ITSN1: variants seen among roughly 807,000 people sequenced by gnomAD.
The protein encoded by ITSN1 is intersectin 1.
In ITSN1, 58 loss-of-function variants were observed where a neutral mutation model predicts 239.8. That is an observed-to-expected ratio of 0.24 (90% CI 0.20 to 0.30). ITSN1 has a LOEUF of 0.30. Ranked by LOEUF, ITSN1 falls within the 10% of genes least tolerant of loss-of-function variation. The pLI is 1.00. For synonymous variants in ITSN1, 780 were observed against 770.8 expected, an observed-to-expected ratio of 1.01 and a Z score of -0.20; for missense variants, 1,558 against 2,103.3, an observed-to-expected ratio of 0.74 and a Z score of 5.07.
intron 1 of ITSN1, among the ~76,000 whole-genome samples, chr21:33,666,743 G>A (rs2089958312): frequency 1.3e-5 from 2 of 152,172 alleles, no homozygotes; most frequent in African/African-American, 4.8e-5. Flanking sequence ...TTTTCAAAGG[G>A]TCTGCAGGTT....
intron 1 of ITSN1, among the ~76,000 whole-genome samples, chr21:33,692,811 C>T (rs1324983897): frequency 1.3e-5 from 2 of 151,628 alleles, no homozygotes; most frequent in African/African-American, 4.9e-5. Context: ...TGCTCTGTCA[C>T]CCAGGCTGGA....
At chr21:33,839,201 T>G (rs1287923794) in intron 29 of ITSN1, among the ~76,000 whole-genome samples, 1 of 152,178 alleles carries the variant, frequency 6.6e-6, no homozygotes, top group Non-Finnish European at 1.5e-5. Flanking sequence ...GAGTTCATAT[T>G]GTAATGGAAG....
chr21:33,886,593 C>T, intron 39 of ITSN1, 133 bp downstream of exon 39: 1 of 760,534 alleles, frequency 1.3e-6, no homozygotes. Flanking sequence ...CTGGCTGGCA[C>T]AAGACGAGGC....
chr21:33,739,346 G>T (rs1055856096), intron 5 of ITSN1, among the ~76,000 whole-genome samples: 1 of 152,120 alleles, frequency 6.6e-6, no homozygotes, highest in African/African-American at 2.4e-5. Flanking sequence ...TATACAGGAG[G>T]AGTCTGTTTT....
rs533098631 is a variant in ITSN1 at position 33,772,316 on chromosome 21, G to A, written c.1298G>A (p.Arg433Lys). ...REEERRKEIE[R>K]REAAKRELER... ...GAGGAGAGGAGGAAAGAAATTGAGA[G>A]GCGAGAGGTAAGCAGGCGAGAGTGG... The change falls in exon 12 of 40, where the codon AGG becomes AAG. Residue 433 changes from arginine (R) to lysine (K), a missense_variant. This residue lies in a region of ITSN1 where 982 missense variants were observed against 1,209.9 expected (regional missense o/e 0.81). Transcript: ENST00000381318. 1.3e-6 allele frequency: 2 copies of A among 1,553,112 alleles called. No individual in the cohort carries two copies. Among genetic ancestry groups the A allele is most frequent in the East Asian group, 2.4e-5 (1 of 41,032 alleles).
At chr21:33,819,400 C>A in intron 24 of ITSN1, 77 bp downstream of exon 24, 1 of 1,049,660 alleles carries the variant, frequency 9.5e-7, no homozygotes, top group Non-Finnish European at 1.5e-6. Context: ...GATTGAATTT[C>A]ATCTTAAGAT....
chr21:33,685,715 G>T (rs2091206530), intron 1 of ITSN1, among the ~76,000 whole-genome samples: 1 of 151,478 alleles, frequency 6.6e-6, no homozygotes. Context: ...GGTTTCTCAG[G>T]CCAGTGTGTC....
chr21:33,798,556 G>A (rs1431848680), intron 18 of ITSN1, among the ~76,000 whole-genome samples: 1 of 152,104 alleles, frequency 6.6e-6, no homozygotes, highest in African/African-American at 2.4e-5. Flanking sequence ...TTGTGTGATT[G>A]TACAGTTTTG....
At chr21:33,827,578 G>A (rs1003030446) in intron 26 of ITSN1, among the ~76,000 whole-genome samples, 2 of 152,096 alleles carry the variant, frequency 1.3e-5, no homozygotes, top group Admixed American at 6.5e-5. Context: ...CACAAACAAT[G>A]GAGAAGATTA....
At chr21:33,850,084 C>G (rs2148457863) in intron 29 of ITSN1, among the ~76,000 whole-genome samples, 1 of 152,320 alleles carries the variant, frequency 6.6e-6, no homozygotes, top group Admixed American at 6.5e-5. Context: ...CCCTTTCACT[C>G]TCTGAAATGT....
chr21:33,749,836 A>T (rs1219367407), intron 5 of ITSN1, among the ~76,000 whole-genome samples: 1 of 151,930 alleles, frequency 6.6e-6, no homozygotes, highest in African/African-American at 2.4e-5. Context: ...TTAGGATTTT[A>T]TTTATTTTTA....
intron 24 of ITSN1, among the ~76,000 whole-genome samples, chr21:33,821,078 C>T (rs1420917549): frequency 1.3e-5 from 2 of 152,194 alleles, no homozygotes; most frequent in East Asian, 3.8e-4. Context: ...TAAATGTCTG[C>T]TACTTTTATG....
chr21:33,651,815 A>AAGGG (rs2088562764), intron 1 of ITSN1, among the ~76,000 whole-genome samples: 2 of 152,182 alleles, frequency 1.3e-5, no homozygotes, highest in Non-Finnish European at 2.9e-5. Flanking sequence ...ATTAGTATCA[A>AAGGG]AGGGAGGGAA....
chr21:33,746,875 T>C (rs1021411723), intron 5 of ITSN1, among the ~76,000 whole-genome samples: 4 of 151,768 alleles, frequency 2.6e-5, no homozygotes, highest in Non-Finnish European at 5.9e-5. Flanking sequence ...TAACTAAGGC[T>C]GGGAGCGGTG....
rs1012847050 is a variant in ITSN1 at position 33,733,377 on chromosome 21, C to G, written c.186-1667C>G. ...TGATTGGACCCTGGAATAACTCCCC[C>G]ACCCCTACCCATAATTATTGGTTTA... On this transcript the variant is annotated intron_variant, in intron 4 of 39. Coordinates refer to ENST00000381318, the MANE Select transcript of ITSN1 (RefSeq NM_003024.3). Among the ~76,000 whole-genome samples the G allele has an allele frequency of 2.6e-5, 4 of 152,094 alleles. No individual in the cohort carries two copies. The South Asian group carries it at 8.3e-4, about 32-fold the overall frequency.
intron 4 of ITSN1, among the ~76,000 whole-genome samples, chr21:33,727,703 G>T (rs1046586963): frequency 6.6e-6 from 1 of 150,638 alleles, no homozygotes; most frequent in Admixed American, 6.6e-5. Context: ...AGCTCATGGC[G>T]TTGAACTAAG....
chr21:33,760,519 A>G (rs1339910819), intron 8 of ITSN1, among the ~76,000 whole-genome samples: 2 of 152,176 alleles, frequency 1.3e-5, no homozygotes, highest in Non-Finnish European at 2.9e-5. Context: ...CCATTAGAGC[A>G]CCTCTCATGT....
intron 1 of ITSN1, among the ~76,000 whole-genome samples, chr21:33,715,614 A>C (rs757071375): frequency 6.6e-6 from 1 of 152,232 alleles, no homozygotes; most frequent in Non-Finnish European, 1.5e-5. Context: ...TTGTCGAGGA[A>C]AAGAAAGGCA....
chr21:33,794,671 A>G (rs1468819924), intron 17 of ITSN1, among the ~76,000 whole-genome samples: 2 of 152,230 alleles, frequency 1.3e-5, no homozygotes, highest in African/African-American at 4.8e-5. Context: ...GTTGGTTCCC[A>G]GAGCTCTCTC....
Sources: gnomAD v4.1 joint callset for allele counts (sites outside exome capture counted in the v4.1 genomes callset) on GRCh38, gnomAD v4.1.1 for gene constraint, gnomAD v4.1.1 regional missense constraint, MANE v1.5 for transcripts, NCBI Gene and HGNC (gene_info 2026-07-23, HGNC 2026-07-21) for gene names.